The following RP1 variants were observed in gnomAD, a reference collection of about 807,000 sequenced individuals.
The protein encoded by RP1 is RP1 axonemal microtubule associated.
A neutral mutation model predicts 14.8 loss-of-function variants in RP1; 16 were observed. The observed-to-expected ratio is 1.08, with a 90% CI of 0.73 to 1.65. The LOEUF is 1.65. Among genes scored for constraint, RP1 ranks in the 40% most tolerant of loss-of-function variants. RP1 has a pLI of 0.00. For synonymous variants in RP1, 876 were observed against 883.6 expected (o/e 0.99, Z 0.15); for missense variants, 2,631 against 2,535.0 (o/e 1.04, Z -0.81).
chr8:54,605,111 G>C (rs1301708837), intron 1 of RP1, among the ~76,000 whole-genome samples: 1 of 151,986 alleles, frequency 6.6e-6, no homozygotes, highest in Non-Finnish European at 1.5e-5. Flanking sequence ...TGCTTCTCTA[G>C]TTCTTTTAAT....
At chr8:54,781,448 G>T (rs1313341469) in intron 23 of RP1, among the ~76,000 whole-genome samples, 1 of 152,088 alleles carries the variant, frequency 6.6e-6, no homozygotes, top group African/African-American at 2.4e-5. Flanking sequence ...AATATCTGAA[G>T]TCATATTCTT....
chr8:54,679,382 A>T, intron 9 of RP1: 2 of 1,494,548 alleles, frequency 1.3e-6, no homozygotes, highest in South Asian at 2.4e-5. Flanking sequence ...ATGTAAATAT[A>T]AAGTCTGAAA....
In RP1 at chr8:54,626,297, T is replaced by A; in HGVS notation, c.2415T>A (p.Asn805Lys). The change falls in exon 4 of 4, where the codon AAT becomes AAA. Residue 805 changes from asparagine to lysine, a missense_variant. Coordinates refer to ENST00000220676, the MANE Select transcript of RP1 (RefSeq NM_006269.2). ...IGQRDKVFPH[N>K]ESKYCKSTFE... ...AAAGAGATAAAGTGTTTCCTCACAA[T>A]GAATCTAAATATTGCAAAAGTACTT... 1.9e-6 allele frequency: 3 copies of A among 1,613,442 alleles called. No individual in the cohort carries two copies. The South Asian group carries it at 3.3e-5, about 18-fold the overall frequency.
At chr8:54,841,736 A>G (rs1444970391) in intron 25 of RP1, among the ~76,000 whole-genome samples, 1 of 152,180 alleles carries the variant, frequency 6.6e-6, no homozygotes, top group Non-Finnish European at 1.5e-5. Context: ...AAGAGTCTTT[A>G]GTTAACGGCC....
Position 54,628,607 on chromosome 8 carries a change from C to G in RP1, c.4725C>G (p.Ser1575=), listed in dbSNP as rs753691012. Residue 1575 remains serine, a synonymous_variant, in exon 4 of 4, where the codon TCC becomes TCG. Transcript: ENST00000220676. ...TGGAAACTGGAAGTTATTCAGAGTC[C>G]TCTCCTGATTTAAAAAAATGCATCA... is the stretch of plus-strand genomic sequence containing the variant. ...KTMETGSYSE[S]SPDLKKCIKS... is the part of the protein sequence containing the mutation. 1.9e-6 allele frequency: 3 copies of G among 1,613,872 alleles called. No individual in the cohort carries two copies. The highest frequency in any genetic ancestry group is 2.5e-6 in the Non-Finnish European group (3 of 1,179,936).
intron 24 of RP1, among the ~76,000 whole-genome samples, chr8:54,812,766 T>TATCTATC (rs1563383820): frequency 9.3e-6 from 1 of 107,582 alleles, no homozygotes; most frequent in Non-Finnish European, 2.1e-5. Context: ...ATCTATCATC[T>TATCTATC]ATCTATCTAT....
chr8:54,584,518 C>T (rs547308808), intron 1 of RP1, among the ~76,000 whole-genome samples: 8 of 152,162 alleles, frequency 5.3e-5, no homozygotes, highest in East Asian at 1.9e-4. Context: ...CTATTAGGTC[C>T]GCTTGGTGCA....
At chr8:54,676,718 A>G (rs1807303119) in intron 8 of RP1, among the ~76,000 whole-genome samples, 1 of 152,206 alleles carries the variant, frequency 6.6e-6, no homozygotes, top group African/African-American at 2.4e-5. Flanking sequence ...CATGATGAAA[A>G]TGTAGGCAAT....
intron 2 of RP1, 83 bp from the exon 3 acceptor site, chr8:54,622,034 T>C (rs1278532624): frequency 7.2e-7 from 1 of 1,383,572 alleles, no homozygotes; most frequent in Non-Finnish European, 1.0e-6. Context: ...AGGAGGTTGT[T>C]GATTTGATTC....
chr8:54,688,320 C>T (rs1215125432), intron 12 of RP1, among the ~76,000 whole-genome samples: 2 of 152,056 alleles, frequency 1.3e-5, no homozygotes, highest in Non-Finnish European at 2.9e-5. Flanking sequence ...AGTTTAATTA[C>T]ATCCCATTTG....
rs760503177 is a variant in RP1 at position 54,787,825 on chromosome 8, A to G, written c.3615+4115A>G. ...GTTAATACAGTTTTGCCTTTGTAAA[A>G]ACAATTTATATCACCAGCAATGAGA... is the stretch of plus-strand genomic sequence containing the variant. On this transcript the variant is annotated intron_variant, in intron 24 of 28. Transcript: ENST00000637698. 5.3e-5 allele frequency among the ~76,000 whole-genome samples: 8 copies of G among 152,302 alleles called. No homozygotes were observed. In the South Asian group the frequency reaches 6.2e-4, roughly 12 times the overall value.
At chr8:54,781,531 A>T (rs1478348921) in intron 23 of RP1, among the ~76,000 whole-genome samples, 1 of 152,216 alleles carries the variant, frequency 6.6e-6, no homozygotes, top group African/African-American at 2.4e-5. Context: ...GCACACATAC[A>T]AGCAATACAA....
chr8:54,620,222 C>G (rs1195649274), intron 1 of RP1, among the ~76,000 whole-genome samples: 3 of 152,220 alleles, frequency 2.0e-5, no homozygotes, highest in African/African-American at 2.4e-5. Context: ...CCACATAACA[C>G]TACTTTGGTC....
chr8:54,654,753 T>C (rs1472896407), intron 5 of RP1, among the ~76,000 whole-genome samples: 1 of 152,132 alleles, frequency 6.6e-6, no homozygotes, highest in Non-Finnish European at 1.5e-5. Context: ...GCTCAAGCGA[T>C]CCTCCCACCT....
intron 12 of RP1, among the ~76,000 whole-genome samples, chr8:54,693,592 A>T (rs1332859995): frequency 6.6e-6 from 1 of 152,096 alleles, no homozygotes; most frequent in Non-Finnish European, 1.5e-5. Flanking sequence ...TGTGAATGGG[A>T]GTTCACTCAT....
intron 14 of RP1, chr8:54,706,397 C>T (rs367613645): frequency 1.3e-5 from 20 of 1,519,908 alleles, no homozygotes; most frequent in East Asian, 7.4e-5. Context: ...TAGCAAAACA[C>T]GAGCCCGTTA....
At chr8:54,755,108 A>G (rs1052115582) in intron 20 of RP1, among the ~76,000 whole-genome samples, 3 of 152,156 alleles carry the variant, frequency 2.0e-5, no homozygotes, top group Non-Finnish European at 4.4e-5. Flanking sequence ...GGTGGATCTT[A>G]GATTAAATGT....
chr8:54,768,604 C>A (rs1003395634), intron 22 of RP1, among the ~76,000 whole-genome samples: 2 of 152,124 alleles, frequency 1.3e-5, no homozygotes, highest in Non-Finnish European at 2.9e-5. Flanking sequence ...AACTGATATA[C>A]CATGTAATAC....
At chr8:54,668,464 A>G (rs180899419) in intron 7 of RP1, among the ~76,000 whole-genome samples, 34 of 152,342 alleles carry the variant, frequency 2.2e-4, no homozygotes, top group African/African-American at 7.5e-4. Flanking sequence ...GGTAATTTAT[A>G]GATTCAATGC....
Sources: gnomAD v4.1 joint callset for allele counts (sites outside exome capture counted in the v4.1 genomes callset) on GRCh38, gnomAD v4.1.1 for gene constraint, MANE v1.5 for transcripts, NCBI Gene and HGNC (gene_info 2026-07-23, HGNC 2026-07-21) for gene names.